OBSL1: variants seen among roughly 807,000 people sequenced by gnomAD.
The protein encoded by OBSL1 is obscurin-like protein 1.
A neutral mutation model predicts 172.0 loss-of-function variants in OBSL1; 160 were observed. The ratio of observed to expected loss-of-function variants is 0.93; its 90% CI spans 0.82 to 1.06. OBSL1 has a LOEUF of 1.06. Ranked by LOEUF, OBSL1 falls within the 50% of genes least tolerant of loss-of-function variation. The probability of loss-of-function intolerance (pLI) is 0.00; values close to 1 mark genes in which losing one functional copy is unlikely to be tolerated. For missense variants in OBSL1, 2,681 were observed against 2,715.4 expected (o/e 0.99, Z 0.28); for synonymous variants, 1,200 against 1,196.3 (o/e 1.00, Z -0.06).
chr2:219,561,997 T>G (rs1354985524), intron 8 of OBSL1: 13 of 717,548 alleles, frequency 1.8e-5, no homozygotes. Context: ...CTGTCCTGAC[T>G]TTGGTAAGAC....
In OBSL1 at chr2:219,566,989, G is replaced by A; in HGVS notation, c.1975C>T (p.Pro659Ser). 1 of 1,613,760 alleles carries A rather than the reference G, an allele frequency of 6.2e-7. No individual in the cohort carries two copies. The highest frequency in any genetic ancestry group is 8.5e-7 in the Non-Finnish European group (1 of 1,179,878). Residue 659 changes from proline to serine, a missense_variant, in exon 5 of 21, where the codon CCG becomes TCG. Pro to Ser is a moderately conservative substitution (Grantham distance 74). This residue lies in a region of OBSL1 where 1,765 missense variants were observed against 1,748.3 expected (regional missense o/e 1.01). Coordinates refer to ENST00000404537, the MANE Select transcript of OBSL1 (RefSeq NM_015311.3). ...GCCCCAGGTTCCACCTGGCCCTCCG[G>A]CTCGTTACTCTTGAGCTCTTCCCCA... is the stretch of plus-strand genomic sequence containing the variant. ...LNGEELKSNEPEGQVEPGALR... is the reference protein window; with the variant it reads ...LNGEELKSNESEGQVEPGALR...
downstream of OBSL1, among the ~76,000 whole-genome samples, chr2:219,548,497 G>A (rs539084224): frequency 6.6e-5 from 10 of 152,186 alleles, no homozygotes; most frequent in African/African-American, 9.7e-5. Flanking sequence ...CTGCTTGAAG[G>A]AGGTGATATG....
At chr2:219,566,806 A>C (rs1256834644) in intron 5 of OBSL1, 24 bp downstream of exon 5, 1 of 1,543,032 alleles carries the variant, frequency 6.5e-7, no homozygotes, top group Non-Finnish European at 8.8e-7. Flanking sequence ...CTTTCTGCCC[A>C]CTCAGGTCCC....
At chr2:219,557,712 T>C (rs542624905) in intron 11 of OBSL1, 94 bp from the exon 12 acceptor site, 18 of 1,525,224 alleles carry the variant, frequency 1.2e-5, no homozygotes, top group Admixed American at 2.1e-5. Context: ...CTGAGAGAAG[T>C]GGGGCCAGGG....
intron 15 of OBSL1, 169 bp downstream of exon 15, chr2:219,554,305 C>A: frequency 1.2e-6 from 1 of 825,004 alleles, no homozygotes; most frequent in Non-Finnish European, 1.9e-6. Context: ...TCTGGGGCCA[C>A]ACAGGGCCTA....
At chr2:219,548,946 T>G, downstream of OBSL1, 1 of 591,628 alleles carries the variant, frequency 1.7e-6, no homozygotes, top group Non-Finnish European at 3.0e-6. Flanking sequence ...CAACCTTCCA[T>G]AAAGACCTAT....
intron 14 of OBSL1, chr2:219,555,762 C>T (rs1293943601): frequency 1.5e-6 from 2 of 1,359,470 alleles, no homozygotes; most frequent in East Asian, 2.7e-5. Context: ...GCAAGTCTTT[C>T]TGGAGAATAT....
rs79510852 is a variant in OBSL1, at chr2:219,567,626, C to T, written c.1535-51G>A. The T allele has an allele frequency of 4.3e-3, 6,818 of 1,591,824 alleles. 195 individuals carry two copies. In the East Asian group the frequency reaches 0.083, roughly 19 times the overall value. On this transcript the variant is annotated intron_variant, in intron 3 of 20. Transcript: ENST00000404537. The stretch of plus-strand genomic sequence containing the variant: ...CGGCCTTGCTTGGGCCTCCACAGCC[C>T]TTCCACCTTAAATCTACTTCACCAA...
Position 219,556,501 on chromosome 2 carries a change from G to A in OBSL1, c.4289C>T (p.Thr1430Ile). ...GCQLGDAGTV[T>I]LRAGSTATSA... ...TGTGGCCGTGCTCCCTGCCCGCAAA[G>A]TCACGGTCCCTGCATCCCCCAGTTG... Residue 1430 changes from threonine to isoleucine, a missense_variant, in exon 13 of 21, where the codon ACT (threonine) becomes ATT (isoleucine). By Grantham distance (89) the Thr-to-Ile change is moderately conservative. Coordinates refer to ENST00000404537, the MANE Select transcript of OBSL1 (RefSeq NM_015311.3). The A allele has an allele frequency of 6.2e-7, 1 of 1,613,880 alleles. No homozygotes were observed. The highest frequency in any genetic ancestry group is 8.5e-7 in the Non-Finnish European group (1 of 1,179,882).
chr2:219,547,625 G>A (rs374926309), downstream of OBSL1: 59 of 1,512,582 alleles, frequency 3.9e-5, no homozygotes, highest in Non-Finnish European at 4.9e-5. Context: ...TGGGGCGAGC[G>A]CGGGCATCGC....
intron 16 of OBSL1, 108 bp downstream of exon 16, chr2:219,553,466 A>T: frequency 1.2e-6 from 1 of 836,414 alleles, no homozygotes; most frequent in Non-Finnish European, 2.0e-6. Flanking sequence ...TGCAAATCTT[A>T]GCACAGTGCC....
At chr2:219,558,595 G>A in intron 9 of OBSL1, 136 bp from the exon 10 acceptor site, 1 of 1,083,050 alleles carries the variant, frequency 9.2e-7, no homozygotes, top group Non-Finnish European at 1.3e-6. Context: ...TGGAGCAGCT[G>A]CTGTGTGCCA....
intron 14 of OBSL1, chr2:219,555,771 A>G: frequency 7.3e-7 from 1 of 1,368,056 alleles, no homozygotes; most frequent in Non-Finnish European, 9.4e-7. Context: ...TCTGGAGAAT[A>G]TTTGTGTTTA....
At chr2:219,549,067 G>T, downstream of OBSL1, 1 of 1,495,614 alleles carries the variant, frequency 6.7e-7, no homozygotes. Context: ...GAAGCCTAGA[G>T]CCACAGGTGG....
chr2:219,559,408 G>T lies in OBSL1; in HGVS notation c.3043C>A (p.Arg1015=). Residue 1015 remains arginine, a synonymous_variant, in exon 9 of 21, where the codon CGG becomes AGG. Transcript: ENST00000404537. ...ECVVLMCELS[R]EDAPVRWYKD... is the part of the protein sequence containing the mutation. ...TACCAGCGCACAGGGGCATCCTCCC[G>T]AGACAGTTCACACATCAGCACCACA... 6.2e-7 allele frequency: 1 copy of T among 1,613,810 alleles called. No individual in the cohort carries two copies. Among genetic ancestry groups the T allele is most frequent in the African/African-American group, 1.3e-5 (1 of 74,968 alleles).
chr2:219,566,622 T>C (rs115878230), intron 5 of OBSL1, among the ~76,000 whole-genome samples: 1 of 152,176 alleles, frequency 6.6e-6, no homozygotes, highest in Non-Finnish European at 1.5e-5. Flanking sequence ...TGCTGACATA[T>C]ATCAAGATAA....
Position 219,557,551 on chromosome 2 carries a change from G to T in OBSL1, c.3858C>A (p.Asp1286Glu). ...CGGAGAGGTGCACCACCAGCTCTAG[G>T]TCCCCGCCTGGGGTGCTCCGAACCC... ...QTRVRSTPGG[D>E]LELVVHLSGP... Residue 1286 changes from aspartate to glutamate, a missense_variant, in exon 12 of 21, where the codon GAC (aspartate) becomes GAA (glutamate). Physicochemically the swap from Asp to Glu is conservative, Grantham distance 45. Transcript: ENST00000404537. 6.4e-7 allele frequency: 1 copy of T among 1,553,080 alleles called. No homozygotes were observed.
chr2:219,563,714 C>A, intron 6 of OBSL1, 87 bp from the exon 7 acceptor site: 1 of 1,415,412 alleles, frequency 7.1e-7, no homozygotes, highest in Non-Finnish European at 9.8e-7. Context: ...ACTGTTTCTG[C>A]ACAAGAGGAC....
rs556604664 is a variant in OBSL1 at position 219,552,845 on chromosome 2, C to G, written c.5146+23G>C. 10 of 1,542,232 alleles carry G rather than the reference C, an allele frequency of 6.5e-6. No homozygotes were observed. In the African/African-American group the frequency reaches 1.4e-4, roughly 21 times the overall value. ...GTCTCGCGCCCAAAGCAGTGCCCAGCCTCCACATCACCCCGTACCCACCGC... is the reference window on the plus strand; with the variant it reads ...GTCTCGCGCCCAAAGCAGTGCCCAGGCTCCACATCACCCCGTACCCACCGC... On this transcript the variant is annotated intron_variant, in intron 17 of 20. Transcript: ENST00000404537.
Sources: allele counts gnomAD v4.1 joint callset (sites outside exome capture counted in the v4.1 genomes callset), GRCh38; gene constraint gnomAD v4.1.1; regional missense constraint gnomAD v4.1.1; transcripts MANE v1.5; gene names NCBI Gene and HGNC (gene_info 2026-07-23, HGNC 2026-07-21).